Variants in ITPR2 observed in about 807,000 individuals in gnomAD.
The protein encoded by ITPR2 is inositol 1,4,5-trisphosphate-gated calcium channel ITPR2.
ITPR2 carries 207 observed loss-of-function variants against 317.1 expected under a neutral mutation model. That is an observed-to-expected ratio of 0.65 (90% confidence interval 0.58 to 0.73). The LOEUF (loss-of-function observed/expected upper bound fraction) is 0.73. Among genes scored for constraint, ITPR2 ranks in the 30% least tolerant of loss-of-function variants. ITPR2 has a pLI of 0.00. For synonymous variants in ITPR2, 1,156 were observed against 1,149.1 expected (o/e 1.01, Z -0.12); for missense variants, 2,613 against 3,284.0 (o/e 0.80, Z 4.99).
At chr12:26,658,264 C>T (rs999767516) in intron 16 of ITPR2, 134 bp from the exon 17 acceptor site, 39 of 513,090 alleles carry the variant, frequency 7.6e-5, no homozygotes, top group Middle Eastern at 1.1e-3. Context: ...CAACATTTGT[C>T]TAATGTGTTG....
chr12:26,607,633 T>C (rs1946165643), intron 26 of ITPR2, among the ~76,000 whole-genome samples: 2 of 152,272 alleles, frequency 1.3e-5, no homozygotes, highest in Non-Finnish European at 2.9e-5. Flanking sequence ...AAATCCACAA[T>C]GGGCAGAAGA....
chr12:26,337,650 T>C lies in ITPR2; in HGVS notation c.*1747A>G, dbSNP rs1014127439. The C allele has an allele frequency of 6.6e-6, 1 of 152,244 alleles. No individual in the cohort carries two copies. Among genetic ancestry groups the C allele is most frequent in the Admixed American group, 6.5e-5 (1 of 15,286 alleles). The allele number at this position is 152,244 out of a possible 1,614,324, so 9.4% of individuals were successfully genotyped here. On this transcript the variant is annotated 3_prime_UTR_variant, in exon 57 of 57. Transcript: ENST00000381340. ...ATTGACTGCCTCCTAGGTTCAAAGT[T>C]CTGTGCTGCATGCAGACATATCAAA...
intron 4 of ITPR2, among the ~76,000 whole-genome samples, chr12:26,723,596 A>G (rs60583257): frequency 0.052 from 7,985 of 152,272 alleles, 422 homozygotes; most frequent in African/African-American, 0.15. Context: ...TAAGTCATAC[A>G]TTCAGGGAGC....
At position 26,531,968 on chromosome 12, in the gene ITPR2, G is replaced by T. The variant is rs377131097; in HGVS notation, c.5073+18279C>A. The stretch of plus-strand genomic sequence containing the variant: ...AAAACTTTACACACAAGAAAATACG[G>T]TAATGCTGTCTTAAAATATCAGAAA... On this transcript the variant is annotated intron_variant, in intron 37 of 56. Coordinates refer to ENST00000381340, the MANE Select transcript of ITPR2 (RefSeq NM_002223.4). 1.1e-4 allele frequency among the ~76,000 whole-genome samples: 17 copies of T among 152,276 alleles called. 1 individual carries two copies. The highest frequency in any genetic ancestry group is 4.1e-4 in the African/African-American group (17 of 41,558).
At chr12:26,813,297 G>C (rs557166095) in intron 1 of ITPR2, among the ~76,000 whole-genome samples, 1 of 152,088 alleles carries the variant, frequency 6.6e-6, no homozygotes, top group South Asian at 2.1e-4. Flanking sequence ...ACCTTGCTTT[G>C]TGTTCATCTC....
chr12:26,570,442 A>G (rs1303547627), intron 34 of ITPR2, among the ~76,000 whole-genome samples: 1 of 152,184 alleles, frequency 6.6e-6, no homozygotes, highest in Non-Finnish European at 1.5e-5. Context: ...AGCTCCTTCT[A>G]AAATCAACCA....
intron 29 of ITPR2, 90 bp from the exon 30 acceptor site, chr12:26,599,435 T>C: frequency 9.0e-7 from 1 of 1,109,574 alleles, no homozygotes; most frequent in Non-Finnish European, 1.3e-6. Context: ...TTGTGATCAG[T>C]TTTATATTTT....
chr12:26,805,780 A>T (rs558417632), intron 1 of ITPR2, among the ~76,000 whole-genome samples: 46 of 89,906 alleles, frequency 5.1e-4, no homozygotes, highest in African/African-American at 1.8e-3. Flanking sequence ...GGAAGCTAAT[A>T]TGGCTGGCAG....
At chr12:26,519,903 T>C (rs1943619265) in intron 37 of ITPR2, among the ~76,000 whole-genome samples, 1 of 152,196 alleles carries the variant, frequency 6.6e-6, no homozygotes, top group Non-Finnish European at 1.5e-5. Context: ...GTATGATAAG[T>C]GATATGACAG....
chr12:26,430,834 C>CTAT (rs1941186247), intron 48 of ITPR2, among the ~76,000 whole-genome samples: 2 of 152,292 alleles, frequency 1.3e-5, no homozygotes, highest in South Asian at 4.1e-4. Context: ...CATGCAGACT[C>CTAT]TATAGTTTCC....
rs373259914 is a variant in ITPR2, at chr12:26,481,233, G to A, written c.6021C>T (p.Ile2007=). Reference sequence around the variant, plus strand: ...CAATCCCATTAGACTCATGTGTAGCGATACAGGTCTAGAAAACAAAATATT... The same window carrying A: ...CAATCCCATTAGACTCATGTGTAGCAATACAGGTCTAGAAAACAAAATATT... ...QGPCHENQTC[I]ATHESNGIDI... The change falls in exon 43 of 57, where the codon ATC becomes ATT. Residue 2007 remains isoleucine, a synonymous_variant. Coordinates refer to ENST00000381340, the MANE Select transcript of ITPR2 (RefSeq NM_002223.4). The A allele has an allele frequency of 1.7e-5, 27 of 1,594,238 alleles. No homozygotes were observed. The highest frequency in any genetic ancestry group is 3.3e-5 in the Admixed American group (2 of 59,762).
intron 9 of ITPR2, among the ~76,000 whole-genome samples, chr12:26,699,436 A>C (rs1462999597): frequency 2.0e-5 from 3 of 152,216 alleles, no homozygotes; most frequent in African/African-American, 7.2e-5. Flanking sequence ...CAGTGTCCTC[A>C]TCTGCAAAAT....
Position 26,416,820 on chromosome 12 carries a change from C to T in ITPR2, c.7111-1322G>A, listed in dbSNP as rs138113084. Among the ~76,000 whole-genome samples the T allele has an allele frequency of 8.5e-4, 130 of 152,162 alleles. 1 individual carries two copies. Among genetic ancestry groups the T allele is most frequent in the African/African-American group, 2.9e-3 (121 of 41,516 alleles). ...TATTTAAGCAGTAAGTTGACATAGT[C>T]GAGATTTTTCTTTAAGTCAACTCAG... On this transcript the variant is annotated intron_variant, in intron 50 of 56. Transcript: ENST00000381340.
rs751664029 is a variant in ITPR2, at chr12:26,494,338, T to C, written c.5185A>G (p.Ser1729Gly). The change falls in exon 39 of 57, where the codon AGC (serine) becomes GGC (glycine). Residue 1729 changes from serine to glycine, a missense_variant and splice_region_variant. By Grantham distance (56) the Ser-to-Gly change is moderately conservative. This residue lies in a region of ITPR2 where 926 missense variants were observed against 1,072.8 expected (regional missense o/e 0.86). Coordinates refer to ENST00000381340, the MANE Select transcript of ITPR2 (RefSeq NM_002223.4). Reference sequence around the variant, plus strand: ...TTATCTGAATCTTGTCCAGAAAAGCTTCCTGTGATTGGGAAAAATAAATAA... The same window carrying C: ...TTATCTGAATCTTGTCCAGAAAAGCCTCCTGTGATTGGGAAAAATAAATAA... ...AYSKTAQVGG[S>G]FSGQDSDKMG... 9.4e-6 allele frequency: 15 copies of C among 1,594,932 alleles called. No homozygotes were observed. The highest frequency in any genetic ancestry group is 1.3e-5 in the Non-Finnish European group (15 of 1,172,508).
At chr12:26,624,615 A>T (rs1374162674) in intron 23 of ITPR2, among the ~76,000 whole-genome samples, 1 of 152,160 alleles carries the variant, frequency 6.6e-6, no homozygotes, top group Non-Finnish European at 1.5e-5. Context: ...GCAAATCAAA[A>T]CTACAATGAG....
intron 55 of ITPR2, among the ~76,000 whole-genome samples, chr12:26,374,521 A>G (rs1939283241): frequency 6.6e-6 from 1 of 152,254 alleles, no homozygotes; most frequent in African/African-American, 2.4e-5. Flanking sequence ...ATGGTTTAAG[A>G]ATGTTTTGAA....
chr12:26,425,257 A>G (rs1413210166), intron 49 of ITPR2, among the ~76,000 whole-genome samples: 1 of 152,180 alleles, frequency 6.6e-6, no homozygotes, highest in Non-Finnish European at 1.5e-5. Context: ...CATGTTTATT[A>G]ATCCACATAT....
chr12:26,833,025 G>T lies in ITPR2; in HGVS notation c.-244C>A. 2.1e-6 allele frequency: 1 copy of T among 478,100 alleles called. No individual in the cohort carries two copies. Among genetic ancestry groups the T allele is most frequent in the Non-Finnish European group, 3.6e-6 (1 of 275,032 alleles). The allele number at this position is 478,100 out of a possible 1,614,324, so 29.6% of individuals were successfully genotyped here. On this transcript the variant is annotated 5_prime_UTR_variant, in exon 1 of 57. It adds an upstream start codon to the 5' untranslated region. Coordinates refer to ENST00000381340, the MANE Select transcript of ITPR2 (RefSeq NM_002223.4). Reference sequence around the variant, plus strand: ...GCGAAGAGCGCAGCCCAGGCGCCCAGAGAAGCCGCAGCCGCCGCCGCCTCC... The same window carrying T: ...GCGAAGAGCGCAGCCCAGGCGCCCATAGAAGCCGCAGCCGCCGCCGCCTCC...
At chr12:26,764,789 AAACAAATG>A in intron 2 of ITPR2, among the ~76,000 whole-genome samples, 1 of 152,102 alleles carries the variant, frequency 6.6e-6, no homozygotes, top group African/African-American at 2.4e-5. Flanking sequence ...TAAACCAATA[AAACAAATG>A]AACAAATAAA....
Sources: gnomAD v4.1 joint callset for allele counts (sites outside exome capture counted in the v4.1 genomes callset) on GRCh38, gnomAD v4.1.1 for gene constraint, gnomAD v4.1.1 regional missense constraint, MANE v1.5 for transcripts, NCBI Gene and HGNC (gene_info 2026-07-23, HGNC 2026-07-21) for gene names.